THEMIS: variants seen among roughly 807,000 people sequenced by gnomAD.
THEMIS encodes protein THEMIS.
THEMIS carries 37 observed loss-of-function variants against 52.6 expected under a neutral mutation model. The observed-to-expected ratio is 0.70, with a 90% CI of 0.54 to 0.93. THEMIS has a LOEUF of 0.93. Ranked by LOEUF, THEMIS falls within the 40% of genes least tolerant of loss-of-function variation. The pLI, the probability that THEMIS is intolerant of heterozygous loss-of-function variation, is 0.00. For synonymous variants in THEMIS, 292 were observed against 272.7 expected (o/e 1.07, Z -0.70); for missense variants, 808 against 763.1 (o/e 1.06, Z -0.69).
chr6:127,806,741 T>A (rs1777722579), intron 4 of THEMIS, among the ~76,000 whole-genome samples: 1 of 152,170 alleles, frequency 6.6e-6, no homozygotes. Context: ...ATCAACACAG[T>A]ACATGTCATG....
At chr6:127,726,591 C>G (rs536136144) in intron 4 of THEMIS, among the ~76,000 whole-genome samples, 3 of 152,258 alleles carry the variant, frequency 2.0e-5, no homozygotes, top group Non-Finnish European at 4.4e-5. Context: ...ATTTCACTTG[C>G]ATCTTCCTCT....
chr6:127,842,417 G>T (rs1779079461), intron 2 of THEMIS, among the ~76,000 whole-genome samples: 1 of 151,932 alleles, frequency 6.6e-6, no homozygotes, highest in South Asian at 2.1e-4. Context: ...ATAAATTTTA[G>T]CCATTTAGCC....
intron 4 of THEMIS, among the ~76,000 whole-genome samples, chr6:127,749,922 T>G (rs772228816): frequency 4.6e-5 from 7 of 150,554 alleles, no homozygotes; most frequent in Non-Finnish European, 1.0e-4. Flanking sequence ...AAGGTATTAA[T>G]AGACAGGCAC....
At chr6:127,882,635 A>AT (rs889464890) in intron 1 of THEMIS, among the ~76,000 whole-genome samples, 4 of 151,634 alleles carry the variant, frequency 2.6e-5, no homozygotes, top group African/African-American at 4.8e-5. Context: ...AGTTGAAATT[A>AT]TTTTTTTTAA....
At chr6:127,881,997 C>CAAA (rs5879865) in intron 1 of THEMIS, among the ~76,000 whole-genome samples, 3 of 118,192 alleles carry the variant, frequency 2.5e-5, no homozygotes, top group Non-Finnish European at 1.9e-5. Context: ...TCTTATACAG[C>CAAA]AAAAAAAAAA....
At chr6:127,885,800 C>T (rs1780627343) in intron 1 of THEMIS, among the ~76,000 whole-genome samples, 1 of 152,120 alleles carries the variant, frequency 6.6e-6, no homozygotes, top group South Asian at 2.1e-4. Context: ...GAGTTAAACA[C>T]AACTATGCTT....
chr6:127,881,247 T>C (rs1421932459), intron 1 of THEMIS, among the ~76,000 whole-genome samples: 3 of 152,068 alleles, frequency 2.0e-5, no homozygotes, highest in Non-Finnish European at 4.4e-5. Context: ...TTAGTGAATG[T>C]TTTAAAGTTA....
chr6:127,880,941 C>T (rs1465513302), intron 1 of THEMIS, among the ~76,000 whole-genome samples: 1 of 152,104 alleles, frequency 6.6e-6, no homozygotes, highest in South Asian at 2.1e-4. Context: ...TTGTTAAAAT[C>T]TTAGTTTTAA....
chr6:127,793,638 T>C (rs1023808543), intron 4 of THEMIS, among the ~76,000 whole-genome samples: 2 of 152,148 alleles, frequency 1.3e-5, no homozygotes, highest in East Asian at 1.9e-4. Context: ...CTTTCCTGTT[T>C]CCTGTCTTTA....
intron 3 of THEMIS, among the ~76,000 whole-genome samples, chr6:127,817,232 T>C: frequency 6.6e-6 from 1 of 152,282 alleles, no homozygotes; most frequent in African/African-American, 2.4e-5. Flanking sequence ...TAGTAGATAC[T>C]CAATAAATGA....
chr6:127,845,143 A>G (rs1347594074), intron 2 of THEMIS, among the ~76,000 whole-genome samples: 1 of 151,560 alleles, frequency 6.6e-6, no homozygotes, highest in African/African-American at 2.4e-5. Flanking sequence ...TTGAGCTTGC[A>G]TTTGCTGAAG....
At chr6:127,869,713 C>A (rs1159161788) in intron 1 of THEMIS, among the ~76,000 whole-genome samples, 1 of 152,088 alleles carries the variant, frequency 6.6e-6, no homozygotes, top group Admixed American at 6.6e-5. Context: ...AGCTGACAAC[C>A]TGGAAATGCC....
At chr6:127,778,567 T>C (rs1776639649) in intron 4 of THEMIS, among the ~76,000 whole-genome samples, 1 of 152,118 alleles carries the variant, frequency 6.6e-6, no homozygotes, top group Non-Finnish European at 1.5e-5. Context: ...TTTGAAAATT[T>C]CTCATGTTTA....
intron 2 of THEMIS, among the ~76,000 whole-genome samples, chr6:127,848,208 A>G (rs1408654394): frequency 6.6e-6 from 1 of 151,284 alleles, no homozygotes; most frequent in East Asian, 2.0e-4. Context: ...GTTTGCTGAG[A>G]ATGATGGTTT....
intron 4 of THEMIS, among the ~76,000 whole-genome samples, chr6:127,773,393 A>T (rs2114448275): frequency 6.6e-6 from 1 of 152,344 alleles, no homozygotes; most frequent in African/African-American, 2.4e-5. Flanking sequence ...GAGTATTTGA[A>T]CGTTTTTATC....
intron 2 of THEMIS, among the ~76,000 whole-genome samples, chr6:127,838,492 C>CT (rs1393575328): frequency 6.6e-6 from 1 of 151,984 alleles, no homozygotes; most frequent in Non-Finnish European, 1.5e-5. Flanking sequence ...TCTTCCTTTG[C>CT]TATTAAACAT....
intron 4 of THEMIS, among the ~76,000 whole-genome samples, chr6:127,808,608 A>G (rs1777797747): frequency 1.3e-5 from 2 of 152,204 alleles, no homozygotes; most frequent in Admixed American, 1.3e-4. Context: ...ATCCTTATAA[A>G]CAGTTAACTA....
intron 4 of THEMIS, among the ~76,000 whole-genome samples, chr6:127,776,640 AT>A (rs1776575960): frequency 1.3e-5 from 2 of 152,358 alleles, no homozygotes; most frequent in South Asian, 4.1e-4. Context: ...CTGCTCCCAG[AT>A]TCTTGACTCA....
At chr6:127,895,203 A>C (rs1780927413) in intron 1 of THEMIS, among the ~76,000 whole-genome samples, 1 of 151,282 alleles carries the variant, frequency 6.6e-6, no homozygotes, top group Non-Finnish European at 1.5e-5. Flanking sequence ...TTAAACACCA[A>C]AATTTAGTAC....
Sources: gnomAD v4.1 joint callset for allele counts (sites outside exome capture counted in the v4.1 genomes callset) on GRCh38, gnomAD v4.1.1 for gene constraint, MANE v1.5 for transcripts, NCBI Gene and HGNC (gene_info 2026-07-23, HGNC 2026-07-21) for gene names.